PEBP4: variants seen among roughly 807,000 people sequenced by gnomAD.
PEBP4 encodes the protein phosphatidylethanolamine binding protein 4, also known as phosphatidylethanolamine-binding protein 4.
A neutral mutation model predicts 23.9 loss-of-function variants in PEBP4; 22 were observed. The observed-to-expected ratio is 0.92, with a 90% CI of 0.66 to 1.31. The LOEUF is 1.31. Ranked by LOEUF, PEBP4 falls within the 40% of genes most tolerant of loss-of-function variation. The probability of loss-of-function intolerance (pLI) is 0.00; values close to 1 mark genes in which losing one functional copy is unlikely to be tolerated. For synonymous variants in PEBP4, 112 were observed against 99.3 expected, an observed-to-expected ratio of 1.13 and a Z score of -0.76; for missense variants, 324 against 281.7, an observed-to-expected ratio of 1.15 and a Z score of -1.07.
In PEBP4 at chr8:22,905,450, G is replaced by T. The variant is rs150829447; in HGVS notation, c.258+14734C>A. Among the ~76,000 whole-genome samples the T allele has an allele frequency of 1.5e-3, 228 of 152,244 alleles. 1 individual carries two copies. Among genetic ancestry groups the T allele is most frequent in the Admixed American group, 6.1e-3 (94 of 15,296 alleles). ...AAAGTGCAGAGTTTCAAATGTTGTT[G>T]TAATTCACATCCCTCTTTCTTTTTA... On this transcript the variant is annotated intron_variant, in intron 3 of 6. Coordinates refer to ENST00000256404, the MANE Select transcript of PEBP4 (RefSeq NM_144962.3).
chr8:22,817,774 C>G (rs746291135), intron 3 of PEBP4, 39 bp from the exon 4 acceptor site: 6 of 1,580,972 alleles, frequency 3.8e-6, no homozygotes, highest in Non-Finnish European at 5.2e-6. Context: ...AGCGTCATGG[C>G]TGAAATAGGA....
intron 4 of PEBP4, among the ~76,000 whole-genome samples, chr8:22,728,313 C>T (rs2128748988): frequency 6.6e-6 from 1 of 152,238 alleles, no homozygotes. Context: ...TTTTAGACTG[C>T]AGCTTGTCTA....
At chr8:22,777,092 G>T (rs1475790160) in intron 4 of PEBP4, among the ~76,000 whole-genome samples, 1 of 151,996 alleles carries the variant, frequency 6.6e-6, no homozygotes. Context: ...AGGTGGTGTG[G>T]GTCAGAGCAT....
intron 4 of PEBP4, among the ~76,000 whole-genome samples, chr8:22,797,883 G>A (rs1410314998): frequency 1.3e-5 from 2 of 152,194 alleles, no homozygotes; most frequent in African/African-American, 4.8e-5. Flanking sequence ...AAGGGCTGGT[G>A]CCAACATCAA....
chr8:22,884,604 GAAGA>G (rs2128773155), intron 3 of PEBP4: 1 of 152,342 alleles, frequency 6.6e-6, no homozygotes, highest in South Asian at 2.1e-4. Flanking sequence ...GGGAAAGGGA[GAAGA>G]AAGAACCTCT....
At chr8:22,925,549 C>T (rs1251797254) in intron 2 of PEBP4, among the ~76,000 whole-genome samples, 1 of 152,124 alleles carries the variant, frequency 6.6e-6, no homozygotes, top group African/African-American at 2.4e-5. Context: ...GTCCAGGCAC[C>T]GGCAGAGCAC....
chr8:22,909,317 A>G (rs953083649), intron 3 of PEBP4, among the ~76,000 whole-genome samples: 2 of 152,178 alleles, frequency 1.3e-5, no homozygotes, highest in African/African-American at 4.8e-5. Flanking sequence ...GGGCCATGGC[A>G]CAAACCCTCC....
intron 6 of PEBP4, among the ~76,000 whole-genome samples, chr8:22,721,356 C>A (rs1045055665): frequency 3.3e-5 from 5 of 152,132 alleles, no homozygotes; most frequent in Admixed American, 2.6e-4. Flanking sequence ...ACATCAAGAT[C>A]TCATTTGCTG....
At chr8:22,779,517 A>C (rs1805876988) in intron 4 of PEBP4, among the ~76,000 whole-genome samples, 2 of 151,966 alleles carry the variant, frequency 1.3e-5, no homozygotes, top group African/African-American at 2.4e-5. Flanking sequence ...GTCCCCACCC[A>C]CACCCCCATT....
At chr8:22,746,197 G>C (rs1805112787) in intron 4 of PEBP4, among the ~76,000 whole-genome samples, 1 of 152,102 alleles carries the variant, frequency 6.6e-6, no homozygotes, top group Non-Finnish European at 1.5e-5. Context: ...CTCCCTGTTA[G>C]ATCTGCCCCA....
chr8:22,927,200 T>C (rs1056397344), intron 2 of PEBP4, among the ~76,000 whole-genome samples: 6 of 152,120 alleles, frequency 3.9e-5, no homozygotes, highest in Non-Finnish European at 7.4e-5. Context: ...TTCATTCAAA[T>C]GCCTCTTTGT....
At chr8:22,901,135 C>T (rs934164265) in intron 3 of PEBP4, among the ~76,000 whole-genome samples, 41 of 152,134 alleles carry the variant, frequency 2.7e-4, no homozygotes, top group African/African-American at 8.4e-4. Flanking sequence ...TTCTTATGAA[C>T]GTAAAATAAA....
intron 2 of PEBP4, 147 bp downstream of exon 2, chr8:22,927,436 AG>A: frequency 1.1e-6 from 1 of 918,210 alleles, no homozygotes; most frequent in Non-Finnish European, 1.6e-6. Context: ...TCCTCCATCA[AG>A]GTGGTCTCCA....
intron 4 of PEBP4, among the ~76,000 whole-genome samples, chr8:22,749,075 G>A (rs186964110): frequency 9.6e-4 from 146 of 152,298 alleles, no homozygotes; most frequent in Admixed American, 2.0e-3. Context: ...GGGAACAGGA[G>A]GGGTGTCCCA....
chr8:22,928,312 G>C (rs11782349), upstream of PEBP4, among the ~76,000 whole-genome samples: 11,000 of 152,326 alleles, frequency 0.072, 543 homozygotes, highest in Middle Eastern at 0.13. Context: ...GACTGCTGCA[G>C]GGGGTGGGGG....
chr8:22,884,639 C>T (rs1451270245), intron 3 of PEBP4: 1 of 152,258 alleles, frequency 6.6e-6, no homozygotes, highest in Admixed American at 6.5e-5. Context: ...GCATCCACCC[C>T]CTTGACAAAG....
At chr8:22,811,807 T>C (rs1248180928) in intron 4 of PEBP4, among the ~76,000 whole-genome samples, 1 of 152,268 alleles carries the variant, frequency 6.6e-6, no homozygotes, top group Non-Finnish European at 1.5e-5. Flanking sequence ...TGGACTCATC[T>C]AGTTTCAAAG....
chr8:22,742,006 G>T (rs1192109706), intron 4 of PEBP4, among the ~76,000 whole-genome samples: 1 of 152,238 alleles, frequency 6.6e-6, no homozygotes, highest in Middle Eastern at 3.4e-3. Context: ...CCTATCTGGG[G>T]CTCCCCTGCC....
intron 4 of PEBP4, among the ~76,000 whole-genome samples, chr8:22,786,809 C>T (rs1176434845): frequency 6.7e-6 from 1 of 149,714 alleles, no homozygotes; most frequent in Non-Finnish European, 1.5e-5. Flanking sequence ...GGAAACAGGG[C>T]TGCACCCCCT....
Sources: allele counts gnomAD v4.1 joint callset (sites outside exome capture counted in the v4.1 genomes callset), GRCh38; gene constraint gnomAD v4.1.1; transcripts MANE v1.5; gene names NCBI Gene and HGNC (gene_info 2026-07-23, HGNC 2026-07-21).